The following C8orf76 variants were observed in gnomAD, a reference collection of about 807,000 sequenced individuals.
C8orf76 encodes uncharacterized protein C8orf76.
C8orf76 carries 46 observed loss-of-function variants against 38.1 expected under a neutral mutation model. The ratio of observed to expected loss-of-function variants is 1.21; its 90% CI spans 0.95 to 1.54. C8orf76 has a LOEUF of 1.54. Among genes scored for constraint, C8orf76 ranks in the 40% most tolerant of loss-of-function variants. The probability of loss-of-function intolerance (pLI) is 0.00; values close to 1 mark genes in which losing one functional copy is unlikely to be tolerated. For missense variants in C8orf76, 461 were observed against 441.6 expected (o/e 1.04, Z -0.39); for synonymous variants, 166 against 167.5 (o/e 0.99, Z 0.07).
At chr8:123,239,194 C>G in intron 1 of C8orf76, 50 bp from the exon 2 acceptor site, 2 of 1,573,348 alleles carry the variant, frequency 1.3e-6, no homozygotes, top group South Asian at 2.2e-5. Context: ...GCTTTTCCAC[C>G]TCATATTCAG....
chr8:123,222,360 T>C (rs533760380), intron 5 of C8orf76, among the ~76,000 whole-genome samples: 7 of 152,382 alleles, frequency 4.6e-5, no homozygotes, highest in Non-Finnish European at 1.0e-4. Context: ...CAGTGAAATG[T>C]AGTATTTTAA....
At position 123,231,212 on chromosome 8, in the gene C8orf76, C is replaced by T. The variant is rs1164156789; in HGVS notation, c.815+88G>A. On this transcript the variant is annotated intron_variant, in intron 4 of 5. Transcript: ENST00000276704. ...TCAAAAATATATACCAAATGTCTAG[C>T]CTAGAACTTTTTGAAGCTTAAAATT... The T allele has an allele frequency of 4.1e-6, 6 of 1,457,006 alleles. No homozygotes were observed. The East Asian group carries it at 1.4e-4, about 34-fold the overall frequency. 90.3% of individuals were successfully genotyped at this position (1,457,006 alleles called of 1,614,324 possible). A position where few individuals can be genotyped will look rare whatever the true frequency, so the allele number is the denominator to read the frequency against.
intron 2 of C8orf76, among the ~76,000 whole-genome samples, chr8:123,238,150 C>A (rs139169494): frequency 6.6e-6 from 1 of 152,244 alleles, no homozygotes; most frequent in East Asian, 1.9e-4. Context: ...TCTTAAATTG[C>A]AGCTCCCATA....
At chr8:123,220,350 G>T in intron 5 of C8orf76, 53 bp from the exon 6 acceptor site, 1 of 1,365,058 alleles carries the variant, frequency 7.3e-7, no homozygotes. Flanking sequence ...CAGAGACATG[G>T]AATGCTAGTT....
In C8orf76 at chr8:123,231,323, T is replaced by G. The variant is rs148173181; in HGVS notation, c.792A>C (p.Ala264=). The change falls in exon 4 of 6, where the codon GCA becomes GCC. Residue 264 remains alanine (A), a synonymous_variant. Transcript: ENST00000276704. The part of the protein sequence containing the change: ...ETVLIETQLK[A]CASFIRTRLL... The stretch of plus-strand genomic sequence containing the variant: ...ACCTGGTTCGTATAAAAGAGGCACA[T>G]GCTTTCAGCTGAGTCTCTATCAACA... 1.4e-4 allele frequency: 227 copies of G among 1,611,002 alleles called. No homozygotes were observed. The highest frequency in any genetic ancestry group is 1.5e-4 in the Non-Finnish European group (178 of 1,178,844).
At chr8:123,224,381 G>T (rs780541733) in intron 5 of C8orf76, among the ~76,000 whole-genome samples, 1 of 152,162 alleles carries the variant, frequency 6.6e-6, no homozygotes, top group African/African-American at 2.4e-5. Flanking sequence ...GGAGGCCAAG[G>T]CGGGACGATC....
At chr8:123,225,237 C>T (rs755477855) in intron 5 of C8orf76, among the ~76,000 whole-genome samples, 10 of 152,138 alleles carry the variant, frequency 6.6e-5, no homozygotes, top group Admixed American at 2.0e-4. Flanking sequence ...GAGCTCCTGA[C>T]CTCAAGTGAT....
intron 3 of C8orf76, chr8:123,237,017 CAGA>C (rs2131161520): frequency 8.0e-6 from 12 of 1,491,868 alleles, no homozygotes; most frequent in African/African-American, 1.4e-5. Flanking sequence ...CTACAACATC[CAGA>C]AGGAGTCCAC....
intron 4 of C8orf76, among the ~76,000 whole-genome samples, chr8:123,228,864 A>T (rs1825138094): frequency 1.3e-5 from 2 of 152,252 alleles, no homozygotes; most frequent in African/African-American, 4.8e-5. Flanking sequence ...CTACAACCCC[A>T]GGAAGCAGGC....
chr8:123,231,200 C>A (rs960074746), intron 4 of C8orf76, 100 bp downstream of exon 4: 37 of 1,402,844 alleles, frequency 2.6e-5, no homozygotes, highest in Non-Finnish European at 3.1e-5. Context: ...AAAATATATA[C>A]CAAATGTCTA....
At chr8:123,236,742 C>A (rs1258489827) in intron 3 of C8orf76, 5 of 442,944 alleles carry the variant, frequency 1.1e-5, no homozygotes, top group Non-Finnish European at 2.1e-5. Context: ...CGGGATCACT[C>A]CACTGCACTC....
At chr8:123,239,267 A>C in intron 1 of C8orf76, 123 bp from the exon 2 acceptor site, 1 of 1,061,594 alleles carries the variant, frequency 9.4e-7, no homozygotes, top group Non-Finnish European at 1.3e-6. Flanking sequence ...GAGTCTGGCC[A>C]GGTTAGTCTT....
intron 5 of C8orf76, among the ~76,000 whole-genome samples, chr8:123,222,122 G>A (rs1824908283): frequency 6.6e-6 from 1 of 152,136 alleles, no homozygotes; most frequent in South Asian, 2.1e-4. Flanking sequence ...CCAAGTAGCT[G>A]GGATTACAGG....
intron 5 of C8orf76, among the ~76,000 whole-genome samples, chr8:123,221,611 T>C (rs1396405797): frequency 6.6e-6 from 1 of 152,126 alleles, no homozygotes; most frequent in Non-Finnish European, 1.5e-5. Context: ...AATTTTTGTA[T>C]TTTTAGTAGA....
Position 123,241,257 on chromosome 8 carries a change from GGAC to G in C8orf76, c.87_89del (p.Ser30del). Reference sequence around the variant, plus strand: ...GCGGCTCGCAGAGCTTGGCGCAGTAGGACGCGGGCGGTCCTGACCGCCGCTCCG... The same window carrying G: ...GCGGCTCGCAGAGCTTGGCGCAGTAGGCGGGCGGTCCTGACCGCCGCTCCG... On this transcript the variant is annotated inframe_deletion, in exon 1 of 6. Transcript: ENST00000276704. The G allele has an allele frequency of 6.3e-7, 1 of 1,590,068 alleles. No individual in the cohort carries two copies.
chr8:123,241,297 A>G lies in C8orf76; in HGVS notation c.50T>C (p.Phe17Ser). ...LFGGEFEDSV[F>S]EERPERRSGP... ...TGACCGCCGCTCCGGCCTCTCCTCGAACACCGAGTCCTCGAACTCGCCGCC... is the reference window on the plus strand; with the variant it reads ...TGACCGCCGCTCCGGCCTCTCCTCGGACACCGAGTCCTCGAACTCGCCGCC... Residue 17 changes from phenylalanine to serine, a missense_variant, in exon 1 of 6, where the codon TTC becomes TCC. Coordinates refer to ENST00000276704, the MANE Select transcript of C8orf76 (RefSeq NM_032847.3). The G allele has an allele frequency of 1.9e-6, 3 of 1,577,418 alleles. No homozygotes were observed. Among genetic ancestry groups the G allele is most frequent in the Middle Eastern group, 1.7e-4 (1 of 5,958 alleles).
At chr8:123,223,367 G>A (rs1260285196) in intron 5 of C8orf76, among the ~76,000 whole-genome samples, 1 of 152,200 alleles carries the variant, frequency 6.6e-6, no homozygotes, top group East Asian at 1.9e-4. Context: ...CAGCACTTTG[G>A]GAGGCCGAGG....
chr8:123,239,314 C>T, intron 1 of C8orf76, 170 bp from the exon 2 acceptor site: 1 of 608,626 alleles, frequency 1.6e-6, no homozygotes, highest in Non-Finnish European at 2.8e-6. Context: ...CTCTGCCCAC[C>T]TTGGCCTCCC....
rs1029875836 is a variant in C8orf76 at position 123,231,776 on chromosome 8, G to C, written c.358-19C>G. 5 of 1,534,028 alleles carry C rather than the reference G, an allele frequency of 3.3e-6. No homozygotes were observed. The highest frequency in any genetic ancestry group is 1.4e-5 in the African/African-American group (1 of 71,972). ...TATTTTCCTAAGGAGAAAAAAAAAA[G>C]GTTAAGAAGTTTAAACTTCAAAGCA... is the stretch of plus-strand genomic sequence containing the variant. On this transcript the variant is annotated intron_variant, in intron 3 of 5. Transcript: ENST00000276704.
Sources: allele counts gnomAD v4.1 joint callset (sites outside exome capture counted in the v4.1 genomes callset), GRCh38; gene constraint gnomAD v4.1.1; transcripts MANE v1.5; gene names NCBI Gene and HGNC (gene_info 2026-07-23, HGNC 2026-07-21).